The following MEIS1 variants were observed in gnomAD, a reference collection of about 807,000 sequenced individuals.
MEIS1 encodes the protein homeobox protein Meis1.
A neutral mutation model predicts 50.8 loss-of-function variants in MEIS1; 5 were observed. That is an observed-to-expected ratio of 0.10 (90% CI 0.05 to 0.21). The LOEUF (loss-of-function observed/expected upper bound fraction) is 0.21, where lower values mean the gene tolerates loss of function less well. MEIS1 is among the 10% of genes least tolerant of loss of function. The pLI, the probability that MEIS1 is intolerant of heterozygous loss-of-function variation, is 1.00. For missense variants in MEIS1, 318 were observed against 517.3 expected (o/e 0.61, Z 3.74); for synonymous variants, 176 against 179.3 (o/e 0.98, Z 0.15).
At chr2:66,486,285 G>A (rs547388883) in intron 7 of MEIS1, among the ~76,000 whole-genome samples, 2 of 152,304 alleles carry the variant, frequency 1.3e-5, no homozygotes, top group Admixed American at 1.3e-4. Flanking sequence ...TAAGGTGTAA[G>A]GAAGGGATCC....
At chr2:66,465,080 T>C (rs1245745943) in intron 7 of MEIS1, among the ~76,000 whole-genome samples, 1 of 152,208 alleles carries the variant, frequency 6.6e-6, no homozygotes, top group African/African-American at 2.4e-5. Flanking sequence ...TCTGGTTTTA[T>C]GATCATGTTT....
intron 10 of MEIS1, chr2:66,567,747 G>A: frequency 1.6e-6 from 1 of 638,478 alleles, no homozygotes; most frequent in Non-Finnish European, 2.8e-6. Context: ...TAAATAATAT[G>A]CTCAGTTACA....
At chr2:66,511,909 C>T (rs1001078803) in intron 7 of MEIS1, among the ~76,000 whole-genome samples, 1 of 152,208 alleles carries the variant, frequency 6.6e-6, no homozygotes, top group Non-Finnish European at 1.5e-5. Context: ...ATATTTCCCT[C>T]CATTCCCTTT....
Position 66,554,529 on chromosome 2 carries a change from A to C in MEIS1, c.965+6510A>C, listed in dbSNP as rs2300479. 4.9e-4 allele frequency among the ~76,000 whole-genome samples: 74 copies of C among 152,264 alleles called. 3 individuals are homozygous for C. In the East Asian group the frequency reaches 0.014, roughly 28 times the overall value. ...TGACAATTTAAAATTTACACAGGGC[A>C]AGTATGGGAAGGGGAAATGCAGGGA... On this transcript the variant is annotated intron_variant, in intron 9 of 12. Coordinates refer to ENST00000272369, the MANE Select transcript of MEIS1 (RefSeq NM_002398.3).
rs141326670 is a variant in MEIS1, at chr2:66,440,980, C to A, written c.432+368C>A. ...ACGAGGGCAGCCACCGGACAAGAGCCCCCAAACAACCAGTTTGCCTGAAAG... is the reference window on the plus strand; with the variant it reads ...ACGAGGGCAGCCACCGGACAAGAGCACCCAAACAACCAGTTTGCCTGAAAG... On this transcript the variant is annotated intron_variant, in intron 4 of 12. Transcript: ENST00000272369. The A allele has an allele frequency of 2.7e-3, 946 of 349,664 alleles. 6 individuals are homozygous for A. Among genetic ancestry groups the A allele is most frequent in the Middle Eastern group, 4.6e-3 (6 of 1,292 alleles). The allele number at this position is 349,664 out of a possible 1,614,324, so 21.7% of individuals were successfully genotyped here. A position where few individuals can be genotyped will look rare whatever the true frequency, so the allele number is the denominator to read the frequency against.
intron 7 of MEIS1, among the ~76,000 whole-genome samples, chr2:66,500,913 G>A (rs1039339351): frequency 1.3e-5 from 2 of 152,078 alleles, no homozygotes; most frequent in East Asian, 1.9e-4. Flanking sequence ...TACATAGCAA[G>A]CTTTTGCAGA....
intron 9 of MEIS1, among the ~76,000 whole-genome samples, chr2:66,566,810 CA>C (rs5831821): frequency 3.5e-4 from 48 of 138,630 alleles, no homozygotes; most frequent in East Asian, 1.0e-3. Context: ...ACATAAAGAG[CA>C]AAAAAAAAAA....
chr2:66,519,243 G>C (rs1163466524), intron 8 of MEIS1, among the ~76,000 whole-genome samples: 1 of 152,072 alleles, frequency 6.6e-6, no homozygotes, highest in Non-Finnish European at 1.5e-5. Flanking sequence ...AAACACTCTG[G>C]GCCATGACCC....
At chr2:66,439,742 G>T (rs1341636951) in intron 2 of MEIS1, 101 bp from the exon 3 acceptor site, 32 of 1,597,716 alleles carry the variant, frequency 2.0e-5, no homozygotes, top group Non-Finnish European at 2.6e-5. Context: ...CGGAGAGGGG[G>T]TCTGTTCCTC....
chr2:66,555,280 C>CTCTCGCTCTCTCTCT (rs10695722), intron 9 of MEIS1, among the ~76,000 whole-genome samples: 1 of 133,848 alleles, frequency 7.5e-6, no homozygotes, highest in African/African-American at 2.9e-5. Flanking sequence ...CTCTCTCTCT[C>CTCTCGCTCTCTCTCT]GTCTCTCTCC....
chr2:66,488,493 A>C (rs895375822), intron 7 of MEIS1, among the ~76,000 whole-genome samples: 5 of 152,154 alleles, frequency 3.3e-5, no homozygotes, highest in Admixed American at 2.6e-4. Flanking sequence ...CCTGGCCAAC[A>C]CAGTGAAACC....
intron 12 of MEIS1, 28 bp from the exon 13 acceptor site, chr2:66,571,218 T>C (rs776916681): frequency 1.9e-6 from 3 of 1,547,720 alleles, no homozygotes; most frequent in South Asian, 1.2e-5. Flanking sequence ...CATTTTCTTT[T>C]TGTTTCTTTC....
intron 7 of MEIS1, among the ~76,000 whole-genome samples, chr2:66,489,054 C>T (rs1673207755): frequency 6.6e-6 from 1 of 152,164 alleles, no homozygotes; most frequent in African/African-American, 2.4e-5. Flanking sequence ...ATTATTTGAA[C>T]CTCTTCCATT....
chr2:66,559,037 G>A (rs1472142924), intron 9 of MEIS1, among the ~76,000 whole-genome samples: 2 of 152,012 alleles, frequency 1.3e-5, no homozygotes, highest in African/African-American at 4.8e-5. Context: ...AGCTACTAGG[G>A]AGGCTAAGGC....
chr2:66,449,423 G>T lies in MEIS1; in HGVS notation c.630+6375G>T, dbSNP rs145391160. ...GGGTGTCTAAAATCAATTTTGAAAAGTTCAAGCAAATGAGTGTGTCCATGT... is the reference window on the plus strand; with the variant it reads ...GGGTGTCTAAAATCAATTTTGAAAATTTCAAGCAAATGAGTGTGTCCATGT... On this transcript the variant is annotated intron_variant, in intron 6 of 12. Transcript: ENST00000272369. 3.9e-4 allele frequency among the ~76,000 whole-genome samples: 60 copies of T among 152,188 alleles called. 1 individual carries two copies. In the East Asian group the frequency reaches 8.1e-3, roughly 21 times the overall value.
chr2:66,555,492 G>A (rs961400701), intron 9 of MEIS1, among the ~76,000 whole-genome samples: 2 of 152,180 alleles, frequency 1.3e-5, no homozygotes, highest in Non-Finnish European at 2.9e-5. Flanking sequence ...AGGAAGCTCT[G>A]TAAGGGGAAA....
intron 7 of MEIS1, among the ~76,000 whole-genome samples, chr2:66,469,159 G>A (rs1672710161): frequency 1.3e-5 from 2 of 151,480 alleles, no homozygotes; most frequent in Admixed American, 6.6e-5. Context: ...TCTCCTTTAG[G>A]AGGCAGGACT....
intron 7 of MEIS1, among the ~76,000 whole-genome samples, chr2:66,503,997 G>A (rs537000451): frequency 1.1e-4 from 16 of 151,766 alleles, no homozygotes; most frequent in African/African-American, 3.1e-4. Flanking sequence ...CACCTGCCTC[G>A]GCCTCCCAAA....
intron 9 of MEIS1, among the ~76,000 whole-genome samples, chr2:66,553,023 A>T (rs1674958792): frequency 6.6e-6 from 1 of 152,236 alleles, no homozygotes; most frequent in South Asian, 2.1e-4. Context: ...ATGACACAAA[A>T]GCAAGGAAAA....
Sources: allele counts gnomAD v4.1 joint callset (sites outside exome capture counted in the v4.1 genomes callset), GRCh38; gene constraint gnomAD v4.1.1; transcripts MANE v1.5; gene names NCBI Gene and HGNC (gene_info 2026-07-23, HGNC 2026-07-21).